Variants in CDH20 observed in about 807,000 individuals in gnomAD.
CDH20 encodes cadherin-20.
A neutral mutation model predicts 74.2 loss-of-function variants in CDH20; 29 were observed. The observed-to-expected ratio is 0.39, with a 90% CI of 0.29 to 0.53. The LOEUF (loss-of-function observed/expected upper bound fraction) is 0.53. Ranked by LOEUF, CDH20 falls within the 20% of genes least tolerant of loss-of-function variation. The pLI, the probability that CDH20 is intolerant of heterozygous loss-of-function variation, is 0.69. For synonymous variants in CDH20, 469 were observed against 405.4 expected (o/e 1.16, Z -1.88); for missense variants, 988 against 1,048.3 (o/e 0.94, Z 0.79).
At chr18:61,389,074 G>A (rs190396640) in intron 1 of CDH20, among the ~76,000 whole-genome samples, 1 of 152,236 alleles carries the variant, frequency 6.6e-6, no homozygotes, top group Admixed American at 6.5e-5. Flanking sequence ...TGAAGGCAGG[G>A]TTGAGACAGG....
intron 1 of CDH20, among the ~76,000 whole-genome samples, chr18:61,338,885 C>A (rs905380506): frequency 6.6e-6 from 1 of 152,150 alleles, no homozygotes; most frequent in Non-Finnish European, 1.5e-5. Flanking sequence ...AGTTCTACAA[C>A]TCCTGACTAG....
At chr18:61,398,690 C>T (rs1428577321) in intron 1 of CDH20, among the ~76,000 whole-genome samples, 1 of 152,146 alleles carries the variant, frequency 6.6e-6, no homozygotes, top group Non-Finnish European at 1.5e-5. Context: ...GGCATTGAGA[C>T]TCCTGAGTAT....
At chr18:61,410,926 C>G (rs966887061) in intron 1 of CDH20, among the ~76,000 whole-genome samples, 75 of 152,248 alleles carry the variant, frequency 4.9e-4, no homozygotes, top group African/African-American at 1.7e-3. Flanking sequence ...CGGGGCTGAG[C>G]GCGGTGGCTC....
At chr18:61,418,073 A>T (rs1005378924) in intron 1 of CDH20, among the ~76,000 whole-genome samples, 2 of 152,234 alleles carry the variant, frequency 1.3e-5, no homozygotes, top group South Asian at 4.1e-4. Flanking sequence ...TCATAAGTTA[A>T]AAAGCAACAA....
chr18:61,505,053 A>G (rs114587181), intron 5 of CDH20, among the ~76,000 whole-genome samples: 1 of 152,148 alleles, frequency 6.6e-6, no homozygotes, highest in East Asian at 1.9e-4. Flanking sequence ...CATCTTCATT[A>G]CTTCATGAAG....
chr18:61,504,848 G>A (rs1911503410), intron 5 of CDH20, among the ~76,000 whole-genome samples: 1 of 151,798 alleles, frequency 6.6e-6, no homozygotes, highest in African/African-American at 2.4e-5. Flanking sequence ...ACATGCAAAT[G>A]GAATACACAA....
intron 9 of CDH20, among the ~76,000 whole-genome samples, chr18:61,539,579 T>C (rs1912954032): frequency 6.6e-6 from 1 of 152,188 alleles, no homozygotes; most frequent in Admixed American, 6.5e-5. Flanking sequence ...GTAGCACCCA[T>C]GGCAGTAACA....
At chr18:61,522,733 C>T (rs1295530823) in intron 6 of CDH20, among the ~76,000 whole-genome samples, 3 of 152,102 alleles carry the variant, frequency 2.0e-5, no homozygotes, top group East Asian at 1.9e-4. Flanking sequence ...ACCAATGGAA[C>T]AGAACAGAAG....
intron 1 of CDH20, among the ~76,000 whole-genome samples, chr18:61,359,470 A>G (rs956011081): frequency 6.6e-6 from 1 of 152,168 alleles, no homozygotes; most frequent in Non-Finnish European, 1.5e-5. Flanking sequence ...TCATGGGTAT[A>G]AATGAGAACC....
chr18:61,542,415 G>C (rs530411494), intron 9 of CDH20, among the ~76,000 whole-genome samples: 2 of 152,334 alleles, frequency 1.3e-5, no homozygotes, highest in East Asian at 1.9e-4. Context: ...GAGGGCCCTT[G>C]GGGCCAGCAC....
intron 1 of CDH20, among the ~76,000 whole-genome samples, chr18:61,398,259 G>C (rs1000420239): frequency 6.6e-6 from 1 of 152,286 alleles, no homozygotes; most frequent in Non-Finnish European, 1.5e-5. Context: ...TAATTTTATA[G>C]TTTTATCTGC....
intron 1 of CDH20, among the ~76,000 whole-genome samples, chr18:61,465,606 A>C (rs1751228007): frequency 6.6e-6 from 1 of 152,160 alleles, no homozygotes; most frequent in South Asian, 2.1e-4. Flanking sequence ...GGGAAAAAAA[A>C]AAAAAGAACT....
At chr18:61,542,201 G>T (rs1913065688) in intron 9 of CDH20, among the ~76,000 whole-genome samples, 1 of 152,178 alleles carries the variant, frequency 6.6e-6, no homozygotes, top group Non-Finnish European at 1.5e-5. Context: ...TGCCGGCTCT[G>T]TCTCCAGGCA....
chr18:61,435,698 A>G (rs1334809747), intron 1 of CDH20, among the ~76,000 whole-genome samples: 1 of 150,212 alleles, frequency 6.7e-6, no homozygotes, highest in Non-Finnish European at 1.5e-5. Flanking sequence ...GCTTTAAATT[A>G]TATATTAATG....
intron 8 of CDH20, among the ~76,000 whole-genome samples, chr18:61,538,578 C>CTTTGTT (rs1555684264): frequency 3.1e-4 from 11 of 35,000 alleles, no homozygotes; most frequent in Admixed American, 9.6e-4. Context: ...TAAATAACTA[C>CTTTGTT]TTTTTGTTTG....
intron 6 of CDH20, among the ~76,000 whole-genome samples, 182 bp from the exon 7 acceptor site, chr18:61,527,785 A>T (rs1912482678): frequency 6.6e-6 from 1 of 152,234 alleles, no homozygotes; most frequent in Non-Finnish European, 1.5e-5. Context: ...TGAAACTGAC[A>T]TTAAGACCAA....
chr18:61,508,654 C>T (rs1363888541), intron 6 of CDH20, among the ~76,000 whole-genome samples: 11 of 150,984 alleles, frequency 7.3e-5, no homozygotes, highest in Non-Finnish European at 1.2e-4. Context: ...TTTTCATGTT[C>T]GAGACAGAGT....
intron 1 of CDH20, among the ~76,000 whole-genome samples, chr18:61,336,125 G>A (rs1480811457): frequency 5.3e-5 from 8 of 152,164 alleles, no homozygotes; most frequent in Non-Finnish European, 8.8e-5. Flanking sequence ...GACTGGAATC[G>A]GAAGGAAGAC....
chr18:61,425,173 G>T (rs1293683353), intron 1 of CDH20, among the ~76,000 whole-genome samples: 3 of 151,898 alleles, frequency 2.0e-5, no homozygotes, highest in African/African-American at 7.3e-5. Context: ...CAAACCTGAG[G>T]TATGTTGAGG....
Sources: allele counts gnomAD v4.1 joint callset (sites outside exome capture counted in the v4.1 genomes callset), GRCh38; gene constraint gnomAD v4.1.1; transcripts MANE v1.5; gene names NCBI Gene and HGNC (gene_info 2026-07-23, HGNC 2026-07-21).